SNTG1: variants seen among roughly 807,000 people sequenced by gnomAD.
SNTG1 encodes syntrophin gamma 1, also known as gamma-1-syntrophin.
SNTG1 carries 39 observed loss-of-function variants against 74.7 expected under a neutral mutation model. The observed-to-expected ratio is 0.52, with a 90% CI of 0.40 to 0.68. The LOEUF (loss-of-function observed/expected upper bound fraction) is 0.68. SNTG1 is among the 30% of genes least tolerant of loss of function. SNTG1 has a pLI of 0.00. For missense variants in SNTG1, 685 were observed against 609.5 expected (o/e 1.12, Z -1.30); for synonymous variants, 254 against 217.1 (o/e 1.17, Z -1.49).
At chr8:50,535,333 A>C (rs2094299775) in intron 10 of SNTG1, among the ~76,000 whole-genome samples, 1 of 152,088 alleles carries the variant, frequency 6.6e-6, no homozygotes, top group Admixed American at 6.6e-5. Context: ...ACCTTGTACT[A>C]TCTCCCAGCT....
chr8:50,139,414 T>C (rs1442094457), intron 1 of SNTG1, among the ~76,000 whole-genome samples: 2 of 152,182 alleles, frequency 1.3e-5, no homozygotes, highest in African/African-American at 2.4e-5. Flanking sequence ...TCTAAGAGTG[T>C]AAGCTTTTAG....
At chr8:50,385,265 G>A (rs1376469101) in intron 2 of SNTG1, among the ~76,000 whole-genome samples, 5 of 152,134 alleles carry the variant, frequency 3.3e-5, no homozygotes, top group East Asian at 1.9e-4. Flanking sequence ...CTCTAAAGAG[G>A]CCATAGTAGT....
intron 5 of SNTG1, among the ~76,000 whole-genome samples, chr8:50,443,822 T>C (rs939009084): frequency 1.3e-5 from 2 of 152,276 alleles, no homozygotes; most frequent in South Asian, 2.1e-4. Flanking sequence ...CTATGCTGTT[T>C]ACTTTCTGGT....
At chr8:50,473,819 C>T (rs1056412085) in intron 8 of SNTG1, among the ~76,000 whole-genome samples, 1 of 152,090 alleles carries the variant, frequency 6.6e-6, no homozygotes, top group Non-Finnish European at 1.5e-5. Flanking sequence ...AGTCACAAAA[C>T]AATACATCCT....
intron 2 of SNTG1, among the ~76,000 whole-genome samples, chr8:50,215,448 G>A (rs1256205800): frequency 6.9e-6 from 1 of 145,940 alleles, no homozygotes; most frequent in East Asian, 2.0e-4. Context: ...CTATATATAT[G>A]TAGTCTCTCT....
chr8:50,613,050 A>C (rs550146835), intron 13 of SNTG1, among the ~76,000 whole-genome samples: 6 of 152,326 alleles, frequency 3.9e-5, no homozygotes, highest in African/African-American at 1.2e-4. Flanking sequence ...AAAGTGCCCC[A>C]CTTACTAATT....
At chr8:50,713,353 G>A (rs1055839588) in intron 17 of SNTG1, among the ~76,000 whole-genome samples, 2 of 151,966 alleles carry the variant, frequency 1.3e-5, no homozygotes, top group African/African-American at 4.8e-5. Context: ...GGGGTTGTTT[G>A]TTTTTTTCTC....
At chr8:50,272,328 A>G (rs1316204223) in intron 2 of SNTG1, among the ~76,000 whole-genome samples, 1 of 152,186 alleles carries the variant, frequency 6.6e-6, no homozygotes, top group African/African-American at 2.4e-5. Context: ...TCAAGTGTCA[A>G]AGTGAAGCAG....
At chr8:50,532,861 T>A (rs1470728889) in intron 10 of SNTG1, among the ~76,000 whole-genome samples, 1 of 152,210 alleles carries the variant, frequency 6.6e-6, no homozygotes, top group Non-Finnish European at 1.5e-5. Context: ...GTGTGTTAAT[T>A]CTCAGTTCTA....
intron 1 of SNTG1, among the ~76,000 whole-genome samples, chr8:50,055,072 A>T (rs1415199140): frequency 1.3e-5 from 2 of 151,910 alleles, no homozygotes; most frequent in African/African-American, 2.4e-5. Flanking sequence ...CAATTGTCTC[A>T]TCATTCCGAC....
chr8:50,779,404 G>C (rs917738416), intron 18 of SNTG1, among the ~76,000 whole-genome samples: 1 of 152,190 alleles, frequency 6.6e-6, no homozygotes, highest in Admixed American at 6.5e-5. Flanking sequence ...AGTTCTCCTT[G>C]AAGAGGTCCT....
intron 17 of SNTG1, among the ~76,000 whole-genome samples, chr8:50,739,578 G>C (rs763946847): frequency 3.3e-5 from 5 of 151,182 alleles, no homozygotes; most frequent in Non-Finnish European, 5.9e-5. Context: ...ACTGGATGTG[G>C]GGCTGGGGGA....
chr8:50,066,853 C>A (rs943683728), intron 1 of SNTG1, among the ~76,000 whole-genome samples: 1 of 151,978 alleles, frequency 6.6e-6, no homozygotes, highest in Non-Finnish European at 1.5e-5. Context: ...TTTCTAACAC[C>A]TACTAAATGA....
intron 1 of SNTG1, among the ~76,000 whole-genome samples, chr8:50,070,797 GCATTCTCAGT>G (rs1821299739): frequency 6.6e-6 from 1 of 152,118 alleles, no homozygotes; most frequent in Admixed American, 6.6e-5. Flanking sequence ...CTCAGGCAAG[GCATTCTCAGT>G]CAGGTTTCTA....
intron 13 of SNTG1, among the ~76,000 whole-genome samples, chr8:50,622,112 A>C (rs1035749202): frequency 2.6e-5 from 4 of 152,092 alleles, no homozygotes; most frequent in Non-Finnish European, 5.9e-5. Context: ...CATCTGCCCC[A>C]ATCTCTCTGC....
At chr8:49,971,778 G>C (rs1319920730) in intron 1 of SNTG1, among the ~76,000 whole-genome samples, 2 of 152,078 alleles carry the variant, frequency 1.3e-5, no homozygotes, top group Non-Finnish European at 2.9e-5. Flanking sequence ...GCTTCAAAGA[G>C]AATAAAATAC....
intron 1 of SNTG1, among the ~76,000 whole-genome samples, chr8:50,071,524 G>A (rs1456312981): frequency 1.3e-5 from 2 of 151,498 alleles, no homozygotes; most frequent in African/African-American, 2.4e-5. Flanking sequence ...TTTTGCCCAG[G>A]CTGGAGTGCA....
At chr8:50,584,061 T>C (rs1398895220) in intron 12 of SNTG1, among the ~76,000 whole-genome samples, 1 of 152,106 alleles carries the variant, frequency 6.6e-6, no homozygotes, top group African/African-American at 2.4e-5. Flanking sequence ...CTCAGAATGA[T>C]GGTTTCCAGC....
At chr8:49,979,464 G>A (rs1812482603) in intron 1 of SNTG1, among the ~76,000 whole-genome samples, 1 of 152,104 alleles carries the variant, frequency 6.6e-6, no homozygotes, top group Non-Finnish European at 1.5e-5. Flanking sequence ...TCTTTGGGTC[G>A]GGATCATTTT....
Sources: gnomAD v4.1 joint callset for allele counts (sites outside exome capture counted in the v4.1 genomes callset) on GRCh38, gnomAD v4.1.1 for gene constraint, MANE v1.5 for transcripts, NCBI Gene and HGNC (gene_info 2026-07-23, HGNC 2026-07-21) for gene names.